Variants in PPP1R11 observed in about 807,000 individuals in gnomAD.
The protein encoded by PPP1R11 is E3 ubiquitin-protein ligase PPP1R11.
PPP1R11 carries 10 observed loss-of-function variants against 11.3 expected under a neutral mutation model. That is an observed-to-expected ratio of 0.88 (90% CI 0.55 to 1.50). The LOEUF is 1.50. Among genes scored for constraint, PPP1R11 ranks in the 40% most tolerant of loss-of-function variants. The pLI, the probability that PPP1R11 is intolerant of heterozygous loss-of-function variation, is 0.00. For synonymous variants in PPP1R11, 56 were observed against 62.3 expected, an observed-to-expected ratio of 0.90 and a Z score of 0.48; for missense variants, 114 against 179.1, an observed-to-expected ratio of 0.64 and a Z score of 2.07.
rs1765783671 is a variant in PPP1R11, at chr6:30,069,629, T to C, written c.*323T>C. 4 of 345,038 alleles carry C rather than the reference T, an allele frequency of 1.2e-5. No homozygotes were observed. In the East Asian group the frequency reaches 1.8e-4, roughly 15 times the overall value. The allele number at this position is 345,038 out of a possible 1,614,324, so 21.4% of individuals were successfully genotyped here. A position where few individuals can be genotyped will look rare whatever the true frequency, so the allele number is the denominator to read the frequency against. On this transcript the variant is annotated 3_prime_UTR_variant, in exon 3 of 3. Transcript: ENST00000376772. This position sits in a 1 kb window ranked among gnomAD's most constrained non-coding sequence, Gnocchi z 6.6. ...CTTGGCCCTGCACTCTCAACATGAGTAGCGAACACTTAAATTGGGTTTTCA... is the reference window on the plus strand; with the variant it reads ...CTTGGCCCTGCACTCTCAACATGAGCAGCGAACACTTAAATTGGGTTTTCA...
At chr6:30,066,724 G>C (rs1765565438), upstream of PPP1R11, 1 of 152,372 alleles carries the variant, frequency 6.6e-6, no homozygotes, top group Non-Finnish European at 1.5e-5. Flanking sequence ...GGCACAGGGC[G>C]AGGGGTAGAA....
chr6:30,064,662 T>G, upstream of PPP1R11: 1 of 1,606,966 alleles, frequency 6.2e-7, no homozygotes, highest in Non-Finnish European at 8.5e-7. Context: ...AAGTCCTTTC[T>G]TTCCTCATAG....
chr6:30,068,972 G>T (rs1284228117), intron 2 of PPP1R11, 132 bp from the exon 3 acceptor site: 3 of 957,926 alleles, frequency 3.1e-6, no homozygotes, highest in Non-Finnish European at 4.7e-6. Context: ...AGTCCCAGAG[G>T]GTGGGCCTGG....
At chr6:30,063,645 TTTTC>T (rs1334238728), upstream of PPP1R11, among the ~76,000 whole-genome samples, 1 of 152,160 alleles carries the variant, frequency 6.6e-6, no homozygotes, top group East Asian at 1.9e-4. This position sits in a 1 kb window ranked among gnomAD's most constrained non-coding sequence, Gnocchi z 4.1. Context: ...ATAGTGCTTT[TTTTC>T]TTTGTTTTGT....
upstream of PPP1R11, chr6:30,062,220 C>G: frequency 6.2e-7 from 1 of 1,611,788 alleles, no homozygotes; most frequent in Non-Finnish European, 8.5e-7. Context: ...CAGTTTCTTC[C>G]CAGGTTGACA....
At chr6:30,068,731 G>A (rs1467891691) in intron 2 of PPP1R11, 33 bp downstream of exon 2, 6 of 1,565,044 alleles carry the variant, frequency 3.8e-6, no homozygotes, top group East Asian at 4.5e-5. Flanking sequence ...TAGCCCTGGA[G>A]TTCTGGCTCC....
intron 1 of PPP1R11, 184 bp downstream of exon 1, chr6:30,067,663 A>G: frequency 1.5e-6 from 1 of 684,936 alleles, no homozygotes; most frequent in Non-Finnish European, 2.4e-6. Context: ...ATGGTGCAGG[A>G]GGCAGGTCAA....
chr6:30,062,714 C>CTTTTTTTTTTTTTTTTTTTTTT (rs9278555), upstream of PPP1R11, among the ~76,000 whole-genome samples: 2 of 42,386 alleles, frequency 4.7e-5, no homozygotes, highest in Non-Finnish European at 8.4e-5. Flanking sequence ...CCACGCCTGG[C>CTTTTTTTTTTTTTTTTTTTTTT]TTTTTTTTTT....
chr6:30,067,283 A>C lies in PPP1R11; in HGVS notation c.-128A>C. Reference sequence around the variant, plus strand: ...AAGCGGAGGCCCAGGAGGAGGGGGAATAAAGAAGGTGGAGGATCCTGGCTA... The same window carrying C: ...AAGCGGAGGCCCAGGAGGAGGGGGACTAAAGAAGGTGGAGGATCCTGGCTA... On this transcript the variant is annotated 5_prime_UTR_variant, in exon 1 of 3. Transcript: ENST00000376772. The C allele has an allele frequency of 7.4e-6, 7 of 948,736 alleles. No homozygotes were observed. The highest frequency in any genetic ancestry group is 1.1e-5 in the Non-Finnish European group (7 of 624,552). 58.8% of individuals were successfully genotyped at this position (948,736 alleles called of 1,614,324 possible). A position where few individuals can be genotyped will look rare whatever the true frequency, so the allele number is the denominator to read the frequency against.
upstream of PPP1R11, among the ~76,000 whole-genome samples, chr6:30,066,232 C>T (rs918834434): frequency 5.3e-5 from 8 of 152,110 alleles, no homozygotes; most frequent in Non-Finnish European, 1.2e-4. Context: ...TCCATATAAC[C>T]ACTGCCTACC....
At chr6:30,068,977 G>T in intron 2 of PPP1R11, 127 bp from the exon 3 acceptor site, 1 of 1,005,126 alleles carries the variant, frequency 9.9e-7, no homozygotes, top group Non-Finnish European at 1.5e-6. Flanking sequence ...CAGAGGGTGG[G>T]CCTGGGGAAG....
rs769818708 is a variant in PPP1R11, at chr6:30,068,618, G to A, written c.98G>A (p.Arg33Gln). The change falls in exon 2 of 3, where the codon CGG (arginine) becomes CAG (glutamine). Residue 33 changes from arginine to glutamine, a missense_variant. Transcript: ENST00000376772. ...AACCGGAGCCTTACCATCAAACTTC[G>A]GAAACGGAAGCCAGAGAAAAAGGTA... The part of the protein sequence containing the change: ...PENRSLTIKL[R>Q]KRKPEKKVEW... 1.6e-5 allele frequency: 25 copies of A among 1,612,720 alleles called. No individual in the cohort carries two copies. Among genetic ancestry groups the A allele is most frequent in the African/African-American group, 4.0e-5 (3 of 74,880 alleles).
chr6:30,062,729 T>C (rs1278532491), upstream of PPP1R11, among the ~76,000 whole-genome samples: 27 of 117,764 alleles, frequency 2.3e-4, 1 homozygote, highest in African/African-American at 8.7e-4. Flanking sequence ...TTTTTTTTTT[T>C]TTTTTTTTTT....
chr6:30,069,328 C>T lies in PPP1R11; in HGVS notation c.*22C>T, dbSNP rs1179183273. 1 of 1,537,926 alleles carries T rather than the reference C, an allele frequency of 6.5e-7. No individual in the cohort carries two copies. The highest frequency in any genetic ancestry group is 8.8e-7 in the Non-Finnish European group (1 of 1,131,188). ...CTAAATCCCTCTCTCCTCCAGCATTCCTGTGTCTGTCTGGCCCTAAATGTA... is the reference window on the plus strand; with the variant it reads ...CTAAATCCCTCTCTCCTCCAGCATTTCTGTGTCTGTCTGGCCCTAAATGTA... On this transcript the variant is annotated 3_prime_UTR_variant, in exon 3 of 3. Transcript: ENST00000376772. The surrounding 1 kb of genome is among the most constrained non-coding windows in gnomAD (Gnocchi z 6.6).
At chr6:30,063,109 T>C (rs1392843209), upstream of PPP1R11, among the ~76,000 whole-genome samples, 1 of 152,134 alleles carries the variant, frequency 6.6e-6, no homozygotes, top group African/African-American at 2.4e-5. The surrounding 1 kb of genome is among the most constrained non-coding windows in gnomAD (Gnocchi z 4.1). Context: ...TTTTCTTTTA[T>C]TCTGTTTGGG....
chr6:30,065,275 GAAC>G (rs1301988501), upstream of PPP1R11, among the ~76,000 whole-genome samples: 8 of 152,126 alleles, frequency 5.3e-5, no homozygotes, highest in African/African-American at 1.7e-4. This position sits in a 1 kb window ranked among gnomAD's most constrained non-coding sequence, Gnocchi z 5.3. Context: ...GTTGACCCTT[GAAC>G]AACACAGGTT....
chr6:30,061,826 C>T (rs1765099851), upstream of PPP1R11: 2 of 1,556,084 alleles, frequency 1.3e-6, no homozygotes, highest in Admixed American at 1.7e-5. This position sits in a 1 kb window ranked among gnomAD's most constrained non-coding sequence, Gnocchi z 5.0. Flanking sequence ...GATGTAGGGC[C>T]TCCTGGCCTA....
the PPP1R11 span, chr6:30,061,426 T>A: frequency 7.1e-7 from 1 of 1,414,722 alleles, no homozygotes; most frequent in Admixed American, 2.0e-5. This position sits in a 1 kb window ranked among gnomAD's most constrained non-coding sequence, Gnocchi z 5.0. Context: ...TCGGGTTATA[T>A]ACTCCTAGGT....
chr6:30,067,464 C>G lies in PPP1R11; in HGVS notation c.54C>G (p.Thr18=). The G allele has an allele frequency of 6.2e-7, 1 of 1,614,012 alleles. No individual in the cohort carries two copies. ...AGACCGTCACTGAGACAACGGTTAC[C>G]GTGACAACCGAGCCCGTGAGAAAGG... is the stretch of plus-strand genomic sequence containing the variant. ...LSETVTETTV[T]VTTEPENRSL... Residue 18 remains threonine (T), a synonymous_variant, in exon 1 of 3, where the codon ACC becomes ACG. Transcript: ENST00000376772.
Sources: allele counts gnomAD v4.1 joint callset (sites outside exome capture counted in the v4.1 genomes callset), GRCh38; gene constraint gnomAD v4.1.1; non-coding constraint Gnocchi (gnomAD v3.1); transcripts MANE v1.5; gene names NCBI Gene and HGNC (gene_info 2026-07-23, HGNC 2026-07-21).